Variants in LRRC2 observed in about 807,000 individuals in gnomAD.
LRRC2 encodes leucine rich repeat containing 2, also known as leucine-rich repeat-containing protein 2.
Under a neutral mutation model 40.2 loss-of-function variants are expected in LRRC2, and 27 were observed. The ratio of observed to expected loss-of-function variants is 0.67; its 90% CI spans 0.49 to 0.93. LRRC2 has a LOEUF of 0.93. Among genes scored for constraint, LRRC2 ranks in the 40% least tolerant of loss-of-function variants. The pLI is 0.00. For missense variants in LRRC2, 402 were observed against 439.6 expected (o/e 0.91, Z 0.76); for synonymous variants, 147 against 158.9 (o/e 0.92, Z 0.56).
chr3:46,538,934 T>G, intron 4 of LRRC2, 111 bp downstream of exon 4: 4 of 1,240,436 alleles, frequency 3.2e-6, no homozygotes, highest in Non-Finnish European at 4.5e-6. Context: ...CCCAACCACT[T>G]CCTGGGGAAG....
rs1703871405 is a variant in LRRC2 at position 46,516,920 on chromosome 3, T to G, written c.*2094A>C. On this transcript the variant is annotated 3_prime_UTR_variant, in exon 9 of 9. Coordinates refer to ENST00000395905, the MANE Select transcript of LRRC2 (RefSeq NM_024512.5). ...AGCTCCCCTCATAAATGCTTTGGAC[T>G]GATCACCCTGCCATTTAGTGCTTCT... 6.6e-6 allele frequency: 1 copy of G among 152,242 alleles called. No homozygotes were observed. The highest frequency in any genetic ancestry group is 2.1e-4 in the South Asian group (1 of 4,834). The allele number at this position is 152,242 out of a possible 1,614,324, so 9.4% of individuals were successfully genotyped here. A position where few individuals can be genotyped will look rare whatever the true frequency, so the allele number is the denominator to read the frequency against.
chr3:46,560,171 G>T (rs1218982301), intron 1 of LRRC2, among the ~76,000 whole-genome samples: 1 of 152,178 alleles, frequency 6.6e-6, no homozygotes, highest in Non-Finnish European at 1.5e-5. Context: ...TAGTTCATGG[G>T]TGGGTTCTGA....
intron 3 of LRRC2, 23 bp downstream of exon 3, chr3:46,545,023 G>A: frequency 6.2e-7 from 1 of 1,606,782 alleles, no homozygotes; most frequent in Non-Finnish European, 8.5e-7. Context: ...GCACTGCATT[G>A]GGCGAGAACT....
At chr3:46,552,795 C>T (rs1384587393) in intron 1 of LRRC2, among the ~76,000 whole-genome samples, 4 of 152,204 alleles carry the variant, frequency 2.6e-5, no homozygotes, top group Non-Finnish European at 2.9e-5. Context: ...GAGACATGTC[C>T]TCTGAGGTTT....
intron 7 of LRRC2, among the ~76,000 whole-genome samples, chr3:46,526,315 A>T (rs1704059780): frequency 6.6e-6 from 1 of 152,182 alleles, no homozygotes; most frequent in Non-Finnish European, 1.5e-5. Context: ...CAATTATATC[A>T]TTTGAAATTA....
chr3:46,523,014 T>C (rs1197800147), intron 7 of LRRC2, among the ~76,000 whole-genome samples: 1 of 152,222 alleles, frequency 6.6e-6, no homozygotes. Context: ...ATATGGAAGA[T>C]ATGAGCCACG....
Position 46,551,532 on chromosome 3 carries a change from A to T in LRRC2, c.60T>A (p.Arg20=). The T allele has an allele frequency of 6.2e-7, 1 of 1,614,120 alleles. No individual in the cohort carries two copies. The highest frequency in any genetic ancestry group is 8.5e-7 in the Non-Finnish European group (1 of 1,180,002). ...ISVIRALWET[R]VKKHKAWQKK... is the part of the protein sequence containing the mutation. ...TCTGCCAAGCTTTGTGCTTCTTGAC[A>T]CGAGTTTCCCACAAGGCTCTGATGA... Residue 20 remains arginine (R), a synonymous_variant, in exon 2 of 9, where the codon CGT becomes CGA. Transcript: ENST00000395905.
At chr3:46,542,631 T>C (rs1183998088) in intron 3 of LRRC2, among the ~76,000 whole-genome samples, 1 of 152,084 alleles carries the variant, frequency 6.6e-6, no homozygotes, top group African/African-American at 2.4e-5. Flanking sequence ...GAGATATCTG[T>C]AAAAGTGGAA....
intron 1 of LRRC2, 33 bp from the exon 2 acceptor site, chr3:46,551,643 A>T: frequency 6.6e-7 from 1 of 1,514,070 alleles, no homozygotes; most frequent in Non-Finnish European, 8.9e-7. Flanking sequence ...TGTCAGCTTG[A>T]TACACAAACA....
intron 3 of LRRC2, among the ~76,000 whole-genome samples, chr3:46,544,132 G>A (rs1197880002): frequency 1.3e-5 from 2 of 152,118 alleles, no homozygotes; most frequent in Admixed American, 6.5e-5. Context: ...TCTCTCCACC[G>A]AGTCCTTTTA....
At chr3:46,564,379 A>G (rs894688622) in intron 1 of LRRC2, among the ~76,000 whole-genome samples, 1 of 147,874 alleles carries the variant, frequency 6.8e-6, no homozygotes, top group African/African-American at 2.7e-5. Context: ...GTCCCCTGGC[A>G]CCAGGGCACT....
At chr3:46,537,111 C>T (rs1026585756) in intron 4 of LRRC2, among the ~76,000 whole-genome samples, 3 of 152,136 alleles carry the variant, frequency 2.0e-5, no homozygotes, top group Non-Finnish European at 4.4e-5. Context: ...CAGAACCTTT[C>T]TACTTGAAAA....
intron 7 of LRRC2, among the ~76,000 whole-genome samples, chr3:46,522,457 T>G (rs2106976955): frequency 6.6e-6 from 1 of 151,982 alleles, no homozygotes; most frequent in African/African-American, 2.4e-5. Flanking sequence ...ATGCCTATAA[T>G]CTCAGCATTT....
intron 3 of LRRC2, among the ~76,000 whole-genome samples, chr3:46,543,767 C>T (rs1455392372): frequency 1.3e-5 from 2 of 152,096 alleles, no homozygotes; most frequent in Non-Finnish European, 2.9e-5. Context: ...CACCCAGGAT[C>T]GTGTTTACTG....
At chr3:46,546,309 T>C (rs2107027283) in intron 2 of LRRC2, among the ~76,000 whole-genome samples, 1 of 152,348 alleles carries the variant, frequency 6.6e-6, no homozygotes, top group South Asian at 2.1e-4. Flanking sequence ...TCAGTTAGGC[T>C]GTAGGGTGGC....
At chr3:46,539,306 G>A (rs373767298) in intron 3 of LRRC2, 105 bp from the exon 4 acceptor site, 14 of 1,130,170 alleles carry the variant, frequency 1.2e-5, no homozygotes, top group East Asian at 9.8e-5. Flanking sequence ...AAGCAGACAC[G>A]AGAGCATAAA....
intron 4 of LRRC2, among the ~76,000 whole-genome samples, chr3:46,534,841 C>T (rs1445382866): frequency 6.6e-6 from 1 of 152,182 alleles, no homozygotes; most frequent in Admixed American, 6.5e-5. Context: ...TCAAACCCCA[C>T]CTCCTTTACA....
intron 4 of LRRC2, among the ~76,000 whole-genome samples, chr3:46,537,635 T>C (rs17220622): frequency 0.21 from 32,375 of 152,158 alleles, 3,977 homozygotes; most frequent in Middle Eastern, 0.35. Context: ...ACCCCTTACA[T>C]GTCAAAAATG....
intron 3 of LRRC2, among the ~76,000 whole-genome samples, chr3:46,541,838 A>G (rs1258648578): frequency 6.6e-6 from 1 of 152,142 alleles, no homozygotes; most frequent in Non-Finnish European, 1.5e-5. Flanking sequence ...GAGGAGGTTC[A>G]ACAAAGTCCC....
Sources: gnomAD v4.1 joint callset for allele counts (sites outside exome capture counted in the v4.1 genomes callset) on GRCh38, gnomAD v4.1.1 for gene constraint, MANE v1.5 for transcripts, NCBI Gene and HGNC (gene_info 2026-07-23, HGNC 2026-07-21) for gene names.